NRXN1: variants seen among roughly 807,000 people sequenced by gnomAD.
The protein encoded by NRXN1 is neurexin 1.
In NRXN1, 39 loss-of-function variants were observed where a neutral mutation model predicts 150.9. The observed-to-expected ratio is 0.26, with a 90% CI of 0.20 to 0.34. The LOEUF is 0.34. NRXN1 is among the 10% of genes least tolerant of loss of function. The pLI, the probability that NRXN1 is intolerant of heterozygous loss-of-function variation, is 1.00. For missense variants in NRXN1, 1,815 were observed against 1,949.9 expected (o/e 0.93, Z 1.30); for synonymous variants, 924 against 757.0 (o/e 1.22, Z -3.62).
intron 21 of NRXN1, among the ~76,000 whole-genome samples, chr2:50,013,691 C>A (rs1482466612): frequency 6.6e-6 from 1 of 152,102 alleles, no homozygotes; most frequent in African/African-American, 2.4e-5. Context: ...TCTGAAACCA[C>A]TTGGTGGAAA....
At chr2:50,508,699 A>C (rs1450279480) in intron 12 of NRXN1, among the ~76,000 whole-genome samples, 1 of 152,116 alleles carries the variant, frequency 6.6e-6, no homozygotes, top group African/African-American at 2.4e-5. Context: ...CCTTGGCTTG[A>C]TCTTGCAGTA....
chr2:50,429,404 A>G (rs1008163940), intron 17 of NRXN1, among the ~76,000 whole-genome samples: 14 of 152,094 alleles, frequency 9.2e-5, no homozygotes, highest in Non-Finnish European at 1.6e-4. Flanking sequence ...TTACAGGCAC[A>G]TGCCATCACG....
intron 2 of NRXN1, chr2:51,026,488 A>T: frequency 6.5e-7 from 1 of 1,533,786 alleles, no homozygotes; most frequent in Non-Finnish European, 8.9e-7. Context: ...GAGAAAAGAG[A>T]ACTTAGGTAT....
At chr2:50,119,669 T>C (rs1703586706) in intron 18 of NRXN1, among the ~76,000 whole-genome samples, 1 of 152,196 alleles carries the variant, frequency 6.6e-6, no homozygotes, top group African/African-American at 2.4e-5. Flanking sequence ...TAAGAGATTT[T>C]GTTTTAAAAT....
chr2:49,920,117 A>C lies in NRXN1; in HGVS notation c.*1827T>G, dbSNP rs988496854. 17 of 152,180 alleles carry C rather than the reference A, an allele frequency of 1.1e-4. No individual in the cohort carries two copies. Among genetic ancestry groups the C allele is most frequent in the African/African-American group, 4.1e-4 (17 of 41,446 alleles). 9.4% of individuals were successfully genotyped at this position (152,180 alleles called of 1,614,324 possible). A position where few individuals can be genotyped will look rare whatever the true frequency, so the allele number is the denominator to read the frequency against. The stretch of plus-strand genomic sequence containing the variant: ...AATTTATTGCTGTGAACATCATTGA[A>C]TAATATGCAAAACAAGTGTATAATC... On this transcript the variant is annotated 3_prime_UTR_variant, in exon 23 of 23. Coordinates refer to ENST00000401669, the MANE Select transcript of NRXN1 (RefSeq NM_001330078.2).
At chr2:50,457,905 A>G (rs919972923) in intron 17 of NRXN1, among the ~76,000 whole-genome samples, 1 of 152,172 alleles carries the variant, frequency 6.6e-6, no homozygotes, top group African/African-American at 2.4e-5. Flanking sequence ...TAGTACAACC[A>G]CTATGGAGAA....
intron 5 of NRXN1, among the ~76,000 whole-genome samples, chr2:50,685,788 T>A (rs1309524069): frequency 2.6e-5 from 4 of 152,144 alleles, no homozygotes; most frequent in Non-Finnish European, 4.4e-5. Flanking sequence ...AGGTGATGCA[T>A]CATCTTTGCA....
At chr2:50,381,710 T>C (rs1345494229) in intron 17 of NRXN1, among the ~76,000 whole-genome samples, 1 of 152,094 alleles carries the variant, frequency 6.6e-6, no homozygotes, top group African/African-American at 2.4e-5. Flanking sequence ...TTACTTTCAA[T>C]GGCAAAAACT....
chr2:50,151,705 G>C (rs978253345), intron 18 of NRXN1, among the ~76,000 whole-genome samples: 1 of 151,780 alleles, frequency 6.6e-6, no homozygotes, highest in Non-Finnish European at 1.5e-5. Flanking sequence ...AAATGGGTAT[G>C]AGGTTTCTTT....
intron 2 of NRXN1, among the ~76,000 whole-genome samples, chr2:50,962,623 C>A (rs1374518918): frequency 6.6e-6 from 1 of 151,570 alleles, no homozygotes; most frequent in East Asian, 1.9e-4. Flanking sequence ...TGTCTTATGT[C>A]AGCTTTCTTA....
chr2:50,922,780 C>G, intron 3 of NRXN1, 93 bp from the exon 4 acceptor site: 1 of 1,212,716 alleles, frequency 8.2e-7, no homozygotes, highest in South Asian at 1.3e-5. Flanking sequence ...TGACAGACAT[C>G]TCTTTTCCTA....
intron 18 of NRXN1, among the ~76,000 whole-genome samples, chr2:50,209,057 G>T (rs942062307): frequency 3.9e-5 from 6 of 152,036 alleles, no homozygotes; most frequent in African/African-American, 1.4e-4. Context: ...AAAAGTATGA[G>T]AATCCATGTC....
chr2:50,341,961 T>A (rs899695082), intron 17 of NRXN1, among the ~76,000 whole-genome samples: 1 of 152,226 alleles, frequency 6.6e-6, no homozygotes, highest in African/African-American at 2.4e-5. Context: ...AATTTGCCTC[T>A]TTAAGGATTA....
intron 17 of NRXN1, among the ~76,000 whole-genome samples, chr2:50,411,802 C>T (rs1272153178): frequency 3.3e-5 from 5 of 152,214 alleles, no homozygotes; most frequent in Admixed American, 6.5e-5. Context: ...GCTGCCACCC[C>T]GTCCCGGAGG....
chr2:50,375,390 C>T (rs1403356544), intron 17 of NRXN1, among the ~76,000 whole-genome samples: 1 of 149,676 alleles, frequency 6.7e-6, no homozygotes, highest in Non-Finnish European at 1.5e-5. Context: ...CTATTATTTT[C>T]ACAATTGTAT....
intron 17 of NRXN1, among the ~76,000 whole-genome samples, chr2:50,300,139 T>C (rs1474764384): frequency 1.3e-5 from 2 of 152,176 alleles, no homozygotes; most frequent in African/African-American, 4.8e-5. Flanking sequence ...TAATGGACAT[T>C]TGTAAGCTAA....
intron 2 of NRXN1, among the ~76,000 whole-genome samples, chr2:50,935,846 G>GTA (rs1380910488): frequency 2.0e-5 from 3 of 152,090 alleles, no homozygotes; most frequent in Non-Finnish European, 4.4e-5. Flanking sequence ...TGAGTAAGAT[G>GTA]TATAATAAAA....
At chr2:50,776,675 CACAT>C (rs1024866702) in intron 5 of NRXN1, among the ~76,000 whole-genome samples, 2 of 147,548 alleles carry the variant, frequency 1.4e-5, no homozygotes, top group Non-Finnish European at 3.0e-5. Context: ...CACACACACA[CACAT>C]ACATACTTAT....
At chr2:50,828,906 A>G (rs112806859) in intron 5 of NRXN1, among the ~76,000 whole-genome samples, 2,409 of 151,870 alleles carry the variant, frequency 0.016, 27 homozygotes, top group Non-Finnish European at 0.023. Context: ...GTAGCGAGCC[A>G]AGATCACGCC....
Sources: allele counts gnomAD v4.1 joint callset (sites outside exome capture counted in the v4.1 genomes callset), GRCh38; gene constraint gnomAD v4.1.1; transcripts MANE v1.5; gene names NCBI Gene and HGNC (gene_info 2026-07-23, HGNC 2026-07-21).